PTPRM: variants seen among roughly 807,000 people sequenced by gnomAD.
PTPRM encodes receptor-type tyrosine-protein phosphatase mu.
Under a neutral mutation model 186.7 loss-of-function variants are expected in PTPRM, and 47 were observed. The ratio of observed to expected loss-of-function variants is 0.25; its 90% CI spans 0.20 to 0.32. The LOEUF is 0.32. Ranked by LOEUF, PTPRM falls within the 10% of genes least tolerant of loss-of-function variation. The pLI, the probability that PTPRM is intolerant of heterozygous loss-of-function variation, is 1.00. For missense variants in PTPRM, 1,494 were observed against 1,865.0 expected (o/e 0.80, Z 3.66); for synonymous variants, 668 against 674.9 (o/e 0.99, Z 0.16).
chr18:8,343,043 C>T (rs752585556), intron 22 of PTPRM, among the ~76,000 whole-genome samples: 2 of 152,160 alleles, frequency 1.3e-5, no homozygotes, highest in African/African-American at 2.4e-5. Context: ...TATACCACTT[C>T]CCTGGGATAT....
At chr18:8,043,939 G>A (rs1227284234) in intron 7 of PTPRM, among the ~76,000 whole-genome samples, 1 of 152,168 alleles carries the variant, frequency 6.6e-6, no homozygotes, top group Non-Finnish European at 1.5e-5. Flanking sequence ...GCTTATAGAA[G>A]TTAAGTTTCT....
rs2038635703 is a variant in PTPRM at position 7,649,157 on chromosome 18, G to A, written c.73+81266G>A. Among the ~76,000 whole-genome samples the A allele has an allele frequency of 2.0e-5, 3 of 152,194 alleles. 1 individual carries two copies. Among genetic ancestry groups the A allele is most frequent in the Admixed American group, 2.0e-4 (3 of 15,282 alleles). ...ACAAAGCCTGGATGACAGCACATCTGTTTACAGTATGGCTTACTGAATATT... is the reference window on the plus strand; with the variant it reads ...ACAAAGCCTGGATGACAGCACATCTATTTACAGTATGGCTTACTGAATATT... On this transcript the variant is annotated intron_variant, in intron 1 of 32. Transcript: ENST00000580170.
intron 2 of PTPRM, among the ~76,000 whole-genome samples, chr18:7,860,519 G>C (rs893578874): frequency 1.3e-5 from 2 of 152,118 alleles, no homozygotes; most frequent in East Asian, 1.9e-4. Context: ...GCACCTGCTG[G>C]TATATGCAAC....
chr18:7,951,918 G>A (rs967147585), intron 6 of PTPRM, among the ~76,000 whole-genome samples: 1 of 152,130 alleles, frequency 6.6e-6, no homozygotes, highest in African/African-American at 2.4e-5. Flanking sequence ...AAAGTCCATA[G>A]AGTTTTTAAC....
chr18:8,118,049 A>G (rs538989276), intron 13 of PTPRM, among the ~76,000 whole-genome samples: 1 of 152,274 alleles, frequency 6.6e-6, no homozygotes, highest in African/African-American at 2.4e-5. Flanking sequence ...TAGTTTTAGA[A>G]GGCTTCATTG....
At chr18:8,201,901 C>G (rs1171712011) in intron 14 of PTPRM, among the ~76,000 whole-genome samples, 1 of 152,202 alleles carries the variant, frequency 6.6e-6, no homozygotes, top group Non-Finnish European at 1.5e-5. Flanking sequence ...TTGGAGAACA[C>G]CTTCAAGCAC....
chr18:8,304,009 C>A (rs629556), intron 20 of PTPRM, among the ~76,000 whole-genome samples: 7,178 of 152,250 alleles, frequency 0.047, 294 homozygotes, highest in African/African-American at 0.11. Context: ...TAATTTCCAG[C>A]CTTCTCTCAG....
intron 7 of PTPRM, among the ~76,000 whole-genome samples, chr18:7,989,931 T>C (rs1376589624): frequency 6.6e-6 from 1 of 152,204 alleles, no homozygotes; most frequent in Non-Finnish European, 1.5e-5. Flanking sequence ...TTTGAGACAG[T>C]CTTGCTCTGT....
rs11874068 is a variant in PTPRM, at chr18:8,086,849, G to A, written c.1753+977G>A. On this transcript the variant is annotated intron_variant, in intron 10 of 32. Transcript: ENST00000580170. ...TTATAACAAGGGATAATTTTTTATT[G>A]TGTAATATTTTATGAGCACAAACTT... Among the ~76,000 whole-genome samples the A allele has an allele frequency of 2.0e-3, 312 of 152,212 alleles. 4 individuals carry two copies. Among genetic ancestry groups the A allele is most frequent in the African/African-American group, 7.2e-3 (298 of 41,558 alleles).
At chr18:7,904,980 T>C (rs1472029808) in intron 3 of PTPRM, among the ~76,000 whole-genome samples, 2 of 152,114 alleles carry the variant, frequency 1.3e-5, no homozygotes. Flanking sequence ...TCTTTCTTTC[T>C]TTCCTTTTTT....
Position 8,083,561 on chromosome 18 carries a change from C to T in PTPRM, c.1552-2110C>T, listed in dbSNP as rs568119299. Reference sequence around the variant, plus strand: ...GTTCTCCTTATTTTAGCACCCTATTCGTTTCTTCCATGGAACTTGGTGTTT... The same window carrying T: ...GTTCTCCTTATTTTAGCACCCTATTTGTTTCTTCCATGGAACTTGGTGTTT... On this transcript the variant is annotated intron_variant, in intron 9 of 32. Coordinates refer to ENST00000580170, the MANE Select transcript of PTPRM (RefSeq NM_001105244.2). Among the ~76,000 whole-genome samples, 165 of 152,226 alleles carry T rather than the reference C, an allele frequency of 1.1e-3. 1 individual carries two copies. The highest frequency in any genetic ancestry group is 3.7e-3 in the African/African-American group (154 of 41,540).
At chr18:8,147,143 G>C (rs2092905340) in intron 14 of PTPRM, among the ~76,000 whole-genome samples, 1 of 152,120 alleles carries the variant, frequency 6.6e-6, no homozygotes, top group Non-Finnish European at 1.5e-5. Flanking sequence ...CTCTTTTTTG[G>C]TTCCATATGA....
At chr18:8,343,586 C>A in intron 23 of PTPRM, 66 bp downstream of exon 23, 1 of 1,438,436 alleles carries the variant, frequency 7.0e-7, no homozygotes, top group Non-Finnish European at 9.8e-7. Context: ...GAAAGTAAGG[C>A]ATGAGGCAAG....
chr18:8,356,094 A>G (rs951899438), intron 23 of PTPRM, among the ~76,000 whole-genome samples: 1 of 152,208 alleles, frequency 6.6e-6, no homozygotes, highest in Non-Finnish European at 1.5e-5. Context: ...GATGAAATGG[A>G]TGTTGACAGA....
At chr18:7,931,590 A>G (rs1599579452) in intron 5 of PTPRM, among the ~76,000 whole-genome samples, 1 of 152,158 alleles carries the variant, frequency 6.6e-6, no homozygotes, top group Non-Finnish European at 1.5e-5. Flanking sequence ...AGTTCCAGCT[A>G]CTCAGGAGGC....
At chr18:8,257,962 G>A (rs1215095773) in intron 19 of PTPRM, among the ~76,000 whole-genome samples, 1 of 152,206 alleles carries the variant, frequency 6.6e-6, no homozygotes, top group Admixed American at 6.5e-5. Context: ...ATGAGATGGA[G>A]CAGAGCTCAG....
At chr18:7,957,845 G>C (rs1004257257) in intron 7 of PTPRM, among the ~76,000 whole-genome samples, 4 of 152,174 alleles carry the variant, frequency 2.6e-5, no homozygotes, top group Non-Finnish European at 5.9e-5. Context: ...TGAAAGTTTG[G>C]TATCAGTCCC....
intron 32 of PTPRM, among the ~76,000 whole-genome samples, chr18:8,399,074 C>G (rs2095858913): frequency 6.6e-6 from 1 of 152,076 alleles, no homozygotes; most frequent in Admixed American, 6.5e-5. Context: ...TATTAGTGAC[C>G]CTAGAATCAG....
rs189988955 is a variant in PTPRM, at chr18:7,946,639, T to C, written c.664-2542T>C. 1.4e-3 allele frequency among the ~76,000 whole-genome samples: 214 copies of C among 152,304 alleles called. 1 individual carries two copies. The highest frequency in any genetic ancestry group is 5.0e-3 in the African/African-American group (207 of 41,570). On this transcript the variant is annotated intron_variant, in intron 5 of 32. Transcript: ENST00000580170. ...TATTAATGCTAAATTTGGTTTTGTT[T>C]CATTTTTTAACTTCTTGATGCTGTC...
Sources: gnomAD v4.1 joint callset for allele counts (sites outside exome capture counted in the v4.1 genomes callset) on GRCh38, gnomAD v4.1.1 for gene constraint, MANE v1.5 for transcripts, NCBI Gene and HGNC (gene_info 2026-07-23, HGNC 2026-07-21) for gene names.